Variants in STIM1 observed in about 807,000 individuals in gnomAD.
The protein encoded by STIM1 is stromal interaction molecule 1.
STIM1 carries 25 observed loss-of-function variants against 74.7 expected under a neutral mutation model. The ratio of observed to expected loss-of-function variants is 0.33; its 90% confidence interval spans 0.24 to 0.47. The LOEUF is 0.47. Ranked by LOEUF, STIM1 falls within the 20% of genes least tolerant of loss-of-function variation. The pLI, the probability that STIM1 is intolerant of heterozygous loss-of-function variation, is 1.00. For synonymous variants in STIM1, 328 were observed against 348.8 expected, an observed-to-expected ratio of 0.94 and a Z score of 0.66; for missense variants, 728 against 920.8, an observed-to-expected ratio of 0.79 and a Z score of 2.71.
At position 3,960,414 on chromosome 11, in the gene STIM1, A is replaced by G. The variant is rs565189401; in HGVS notation, c.140-7138A>G. ...CTTTTCTGATGAAATCAGTGGTGAT[A>G]TTAATAATTGTGGCTATTTTGATAT... is the stretch of plus-strand genomic sequence containing the variant. On this transcript the variant is annotated intron_variant, in intron 1 of 12. Transcript: ENST00000526596. Among the ~76,000 whole-genome samples the G allele has an allele frequency of 3.3e-5, 5 of 152,330 alleles. No individual in the cohort carries two copies. In the South Asian group the frequency reaches 6.2e-4, roughly 19 times the overall value.
chr11:3,863,123 AC>A (rs1351430184), intron 1 of STIM1, among the ~76,000 whole-genome samples: 1 of 150,514 alleles, frequency 6.6e-6, no homozygotes, highest in Non-Finnish European at 1.5e-5. Flanking sequence ...TGAACTCCTG[AC>A]CTCAGATAAT....
intron 2 of STIM1, among the ~76,000 whole-genome samples, chr11:4,005,932 C>T (rs2093775661): frequency 6.6e-6 from 1 of 152,114 alleles, no homozygotes; most frequent in African/African-American, 2.4e-5. Context: ...GCTATTGTAC[C>T]TGAAATATGG....
chr11:3,931,498 A>G (rs73425496), intron 1 of STIM1, among the ~76,000 whole-genome samples: 7,744 of 152,170 alleles, frequency 0.051, 616 homozygotes, highest in African/African-American at 0.18. Context: ...CCCATGTGAT[A>G]GGACTTAACA....
intron 3 of STIM1, among the ~76,000 whole-genome samples, chr11:4,042,251 A>C (rs922914962): frequency 6.6e-6 from 1 of 152,162 alleles, no homozygotes; most frequent in Non-Finnish European, 1.5e-5. Flanking sequence ...CCTTCCCCCA[A>C]ATGTCCACAT....
chr11:3,886,237 A>C (rs1308059301), intron 1 of STIM1, among the ~76,000 whole-genome samples: 1 of 152,246 alleles, frequency 6.6e-6, no homozygotes, highest in African/African-American at 2.4e-5. Context: ...ATAGAGAAAG[A>C]CGGATAACCT....
chr11:3,920,211 T>G (rs1352883732), intron 1 of STIM1, among the ~76,000 whole-genome samples: 2 of 152,094 alleles, frequency 1.3e-5, no homozygotes, highest in African/African-American at 2.4e-5. Context: ...TCTTTCTGCC[T>G]CAGCCTCCTA....
At chr11:3,909,546 T>C (rs1209298305) in intron 1 of STIM1, among the ~76,000 whole-genome samples, 2 of 152,182 alleles carry the variant, frequency 1.3e-5, no homozygotes, top group East Asian at 3.9e-4. Context: ...CTTATGGGGC[T>C]GGGCGCAGTG....
At chr11:3,866,527 G>A (rs1321029545) in intron 1 of STIM1, among the ~76,000 whole-genome samples, 3 of 151,282 alleles carry the variant, frequency 2.0e-5, no homozygotes, top group African/African-American at 2.4e-5. Flanking sequence ...CCTGGGTTCC[G>A]GTGATTCTCC....
In STIM1 at chr11:4,091,512, A is replaced by T; in HGVS notation, c.1865A>T (p.Asp622Val). ...TTACTGGCGCTGAACCATGGGCTGG[A>T]CAAGGCCCACAGCCTGATGGAGCTG... The part of the protein sequence containing the change: ...KALLALNHGL[D>V]KAHSLMELSP... The change falls in exon 13 of 13, where the codon GAC becomes GTC. Residue 622 changes from aspartate (D) to valine (V), a missense_variant. By Grantham distance (152) the Asp-to-Val change is radical (BLOSUM62 -3). Coordinates refer to ENST00000526596, the MANE Select transcript of STIM1 (RefSeq NM_001382567.1). The T allele has an allele frequency of 6.2e-7, 1 of 1,614,136 alleles. No homozygotes were observed. The highest frequency in any genetic ancestry group is 8.5e-7 in the Non-Finnish European group (1 of 1,180,014).
chr11:3,878,830 C>G (rs1422452629), intron 1 of STIM1, among the ~76,000 whole-genome samples: 1 of 152,196 alleles, frequency 6.6e-6, no homozygotes, highest in Non-Finnish European at 1.5e-5. Flanking sequence ...CTAGCTGCGT[C>G]CTGCCCCAGC....
intron 1 of STIM1, among the ~76,000 whole-genome samples, chr11:3,914,980 CGTT>C (rs1565113686): frequency 1.3e-5 from 2 of 151,494 alleles, no homozygotes; most frequent in Non-Finnish European, 2.9e-5. Context: ...CATGTTATCT[CGTT>C]GTGGTTTGAT....
At chr11:4,026,673 A>G (rs371809994) in intron 3 of STIM1, among the ~76,000 whole-genome samples, 3 of 152,234 alleles carry the variant, frequency 2.0e-5, no homozygotes, top group African/African-American at 7.2e-5. Flanking sequence ...AATTCAAGAA[A>G]GCCCTATACT....
At chr11:4,018,312 C>T (rs1197797343) in intron 2 of STIM1, among the ~76,000 whole-genome samples, 4 of 149,978 alleles carry the variant, frequency 2.7e-5, no homozygotes, top group East Asian at 1.9e-4. Flanking sequence ...ATTAGCCGGG[C>T]GCGGTGGCGG....
intron 6 of STIM1, 83 bp from the exon 7 acceptor site, chr11:4,074,419 T>C: frequency 6.5e-7 from 1 of 1,527,428 alleles, no homozygotes; most frequent in East Asian, 2.3e-5. Context: ...GCTGTCATTT[T>C]CCTCTTTGAT....
intron 3 of STIM1, among the ~76,000 whole-genome samples, chr11:4,051,772 G>A (rs1371021777): frequency 6.6e-6 from 1 of 152,062 alleles, no homozygotes; most frequent in African/African-American, 2.4e-5. Context: ...TCAGCCTCCT[G>A]AGGAGCTGGG....
intron 2 of STIM1, among the ~76,000 whole-genome samples, chr11:3,997,489 TA>T (rs559475144): frequency 0.024 from 3,530 of 149,156 alleles, 76 homozygotes; most frequent in Non-Finnish European, 0.026. Flanking sequence ...ACCCTGTCTC[TA>T]AAAAAAAAAT....
At chr11:3,859,657 G>A (rs1481951306) in intron 1 of STIM1, among the ~76,000 whole-genome samples, 1 of 152,212 alleles carries the variant, frequency 6.6e-6, no homozygotes, top group Non-Finnish European at 1.5e-5. Context: ...TGATGGAGTG[G>A]CAGGCCAGAA....
chr11:4,018,472 A>AC (rs1397406008), intron 2 of STIM1, among the ~76,000 whole-genome samples: 4 of 146,072 alleles, frequency 2.7e-5, no homozygotes, highest in East Asian at 2.0e-4. Flanking sequence ...AAAAAAAAAA[A>AC]AAAAAAAAAA....
intron 3 of STIM1, among the ~76,000 whole-genome samples, chr11:4,028,995 G>A (rs1326310297): frequency 6.6e-6 from 1 of 151,892 alleles, no homozygotes; most frequent in African/African-American, 2.4e-5. Context: ...AGACCAGCCT[G>A]GCCAACATGG....
Sources: gnomAD v4.1 joint callset for allele counts (sites outside exome capture counted in the v4.1 genomes callset) on GRCh38, gnomAD v4.1.1 for gene constraint, MANE v1.5 for transcripts, NCBI Gene and HGNC (gene_info 2026-07-23, HGNC 2026-07-21) for gene names.